XKR3: variants seen among roughly 807,000 people sequenced by gnomAD.
The protein encoded by XKR3 is XK related 3, also known as XK-related protein 3.
XKR3 carries 27 observed loss-of-function variants against 40.3 expected under a neutral mutation model. The observed-to-expected ratio is 0.67, with a 90% CI of 0.49 to 0.92. The LOEUF is 0.92. Ranked by LOEUF, XKR3 falls within the 40% of genes least tolerant of loss-of-function variation. XKR3 has a pLI of 0.00. For synonymous variants in XKR3, 193 were observed against 195.4 expected (o/e 0.99, Z 0.10); for missense variants, 472 against 537.6 (o/e 0.88, Z 1.21).
intron 3 of XKR3, among the ~76,000 whole-genome samples, chr22:16,795,979 A>G (rs2060138901): frequency 6.6e-6 from 1 of 151,596 alleles, no homozygotes; most frequent in Non-Finnish European, 1.5e-5. Flanking sequence ...AAAAAAAGGG[A>G]CCAGAAAATC....
At chr22:16,787,517 C>CCATT (rs1260174384) in intron 3 of XKR3, among the ~76,000 whole-genome samples, 3 of 150,944 alleles carry the variant, frequency 2.0e-5, no homozygotes, top group Non-Finnish European at 4.4e-5. Context: ...CAAGATCACG[C>CCATT]CATTGCACTC....
At chr22:16,820,207 T>C (rs1295783055) in intron 1 of XKR3, among the ~76,000 whole-genome samples, 2 of 152,188 alleles carry the variant, frequency 1.3e-5, no homozygotes, top group Admixed American at 6.5e-5. Context: ...TACATGAAGG[T>C]ATAAGGCAAC....
intron 1 of XKR3, among the ~76,000 whole-genome samples, chr22:16,817,916 C>G (rs1227230390): frequency 6.6e-6 from 1 of 152,046 alleles, no homozygotes; most frequent in Non-Finnish European, 1.5e-5. Context: ...ATTACTATAT[C>G]CCTTCTGCAG....
At chr22:16,792,933 T>A (rs1335344447) in intron 3 of XKR3, among the ~76,000 whole-genome samples, 3 of 152,364 alleles carry the variant, frequency 2.0e-5, no homozygotes, top group African/African-American at 7.2e-5. Context: ...GTTCAACTAG[T>A]TATCTTCCTA....
rs191841122 is a variant in XKR3 at position 16,811,470 on chromosome 22, G to C, written c.-10-3387C>G. Among the ~76,000 whole-genome samples the C allele has an allele frequency of 3.4e-3, 520 of 152,222 alleles. 5 individuals carry two copies. The highest frequency in any genetic ancestry group is 0.012 in the African/African-American group (479 of 41,538). On this transcript the variant is annotated intron_variant, in intron 1 of 3. Coordinates refer to ENST00000684488, the MANE Select transcript of XKR3 (RefSeq NM_001386955.1). ...TTCACAGACTTAATTTCTGTAACAG[G>C]CTTACTATTCGGTCTTCTTATTAAA...
chr22:16,783,521 C>T lies in XKR3; in HGVS notation c.*98G>A. 1.0e-6 allele frequency: 1 copy of T among 993,486 alleles called. No homozygotes were observed. Among genetic ancestry groups the T allele is most frequent in the Non-Finnish European group, 1.4e-6 (1 of 721,376 alleles). The allele number at this position is 993,486 out of a possible 1,614,324, so 61.5% of individuals were successfully genotyped here. A position where few individuals can be genotyped will look rare whatever the true frequency, so the allele number is the denominator to read the frequency against. On this transcript the variant is annotated 3_prime_UTR_variant, in exon 4 of 4. Transcript: ENST00000684488. ...AATGAATTTTATTAGAAACCACTTC[C>T]AAGATTTTGCTGTGTATATTTTTTA...
chr22:16,790,376 G>A (rs1601839939), intron 3 of XKR3, among the ~76,000 whole-genome samples: 3 of 145,402 alleles, frequency 2.1e-5, no homozygotes, highest in Non-Finnish European at 3.0e-5. Context: ...GATAGAATGA[G>A]AGCAAATATT....
intron 1 of XKR3, among the ~76,000 whole-genome samples, chr22:16,815,160 C>T (rs934460031): frequency 1.3e-5 from 2 of 151,864 alleles, no homozygotes; most frequent in Non-Finnish European, 2.9e-5. Flanking sequence ...GTGCTTTTAT[C>T]GTAGAAAGGT....
chr22:16,796,327 G>A (rs2146151360), intron 3 of XKR3, among the ~76,000 whole-genome samples: 1 of 152,234 alleles, frequency 6.6e-6, no homozygotes, highest in Admixed American at 6.5e-5. Flanking sequence ...TGGTGGAGGG[G>A]CCTTTTTCCC....
chr22:16,817,657 T>C (rs1479734908), intron 1 of XKR3, among the ~76,000 whole-genome samples: 2 of 152,300 alleles, frequency 1.3e-5, no homozygotes, highest in East Asian at 3.9e-4. Flanking sequence ...TACTCCTCAG[T>C]TGACTATTTC....
chr22:16,817,360 G>T (rs1490055877), intron 1 of XKR3, among the ~76,000 whole-genome samples: 3 of 114,634 alleles, frequency 2.6e-5, no homozygotes, highest in Non-Finnish European at 3.9e-5. Flanking sequence ...CCACCAATCA[G>T]TTTCTGCTTT....
At chr22:16,810,888 A>C (rs2060209702) in intron 1 of XKR3, among the ~76,000 whole-genome samples, 1 of 152,096 alleles carries the variant, frequency 6.6e-6, no homozygotes, top group Non-Finnish European at 1.5e-5. Context: ...CATTTCAAAA[A>C]ATTTGCTCAA....
intron 1 of XKR3, among the ~76,000 whole-genome samples, chr22:16,809,389 G>A (rs1044219194): frequency 2.0e-5 from 3 of 151,524 alleles, no homozygotes; most frequent in Middle Eastern, 3.2e-3. Context: ...CTTATCACAC[G>A]TGTATTAAAA....
chr22:16,805,654 T>A (rs1210344480), intron 2 of XKR3, among the ~76,000 whole-genome samples: 1 of 152,192 alleles, frequency 6.6e-6, no homozygotes, highest in Non-Finnish European at 1.5e-5. Context: ...AATAATATTA[T>A]CAACTTAATT....
In XKR3 at chr22:16,791,781, GAGAGAGAGAGAGAGAGA is replaced by G. The variant is rs2060118591; in HGVS notation, c.590-7389_590-7373del. Reference sequence around the variant, plus strand: ...AGAGGGAGAGAGGGAGAGAGAGGGAGAGAGAGAGAGAGAGAGAGAGAGAGAGAGAGAAAGAGAGAGAG... The same window carrying G: ...AGAGGGAGAGAGGGAGAGAGAGGGAGGAGAGAGAGAGAGAAAGAGAGAGAG... On this transcript the variant is annotated intron_variant, in intron 3 of 3. Transcript: ENST00000684488. Among the ~76,000 whole-genome samples the G allele has an allele frequency of 2.4e-4, 9 of 37,834 alleles. No individual in the cohort carries two copies. In the South Asian group the frequency reaches 7.7e-3, roughly 33 times the overall value. 24.8% of individuals were successfully genotyped at this position (37,834 alleles called of 152,430 possible).
At chr22:16,814,329 C>A (rs1483325824) in intron 1 of XKR3, among the ~76,000 whole-genome samples, 1 of 152,116 alleles carries the variant, frequency 6.6e-6, no homozygotes, top group Non-Finnish European at 1.5e-5. Flanking sequence ...ATCAATTGCA[C>A]ACAGGTGGGA....
chr22:16,800,311 A>G (rs907581343), intron 2 of XKR3, among the ~76,000 whole-genome samples: 1 of 152,340 alleles, frequency 6.6e-6, no homozygotes, highest in East Asian at 1.9e-4. Context: ...TTCATACACA[A>G]TTCAATTCAC....
chr22:16,789,904 G>T (rs2060106839), intron 3 of XKR3, among the ~76,000 whole-genome samples: 3 of 152,130 alleles, frequency 2.0e-5, no homozygotes, highest in Non-Finnish European at 4.4e-5. Flanking sequence ...AAGTGGTGCT[G>T]GGAAAACAAG....
intron 3 of XKR3, 85 bp from the exon 4 acceptor site, chr22:16,784,494 A>C: frequency 8.0e-7 from 1 of 1,248,616 alleles, no homozygotes; most frequent in Non-Finnish European, 1.1e-6. Context: ...ATTTTAAGAT[A>C]TATTCTTCCT....
Sources: allele counts gnomAD v4.1 joint callset (sites outside exome capture counted in the v4.1 genomes callset), GRCh38; gene constraint gnomAD v4.1.1; transcripts MANE v1.5; gene names NCBI Gene and HGNC (gene_info 2026-07-23, HGNC 2026-07-21).